Variants in HDAC4 observed in about 807,000 individuals in gnomAD.
The protein encoded by HDAC4 is histone deacetylase A.
HDAC4 carries 16 observed loss-of-function variants against 135.1 expected under a neutral mutation model. The observed-to-expected ratio is 0.12, with a 90% CI of 0.08 to 0.18. The LOEUF (loss-of-function observed/expected upper bound fraction) is 0.18, where lower values mean the gene tolerates loss of function less well. HDAC4 is among the 10% of genes least tolerant of loss of function. The pLI is 1.00. For missense variants in HDAC4, 1,143 were observed against 1,511.8 expected (o/e 0.76, Z 4.05); for synonymous variants, 685 against 653.4 (o/e 1.05, Z -0.74).
At chr2:239,216,827 C>T (rs2046668191) in intron 3 of HDAC4, among the ~76,000 whole-genome samples, 1 of 152,152 alleles carries the variant, frequency 6.6e-6, no homozygotes, top group African/African-American at 2.4e-5. Flanking sequence ...GGGGTTCCAC[C>T]CGCCATACTC....
At chr2:239,386,172 G>C (rs1022224221) in intron 1 of HDAC4, among the ~76,000 whole-genome samples, 1 of 152,058 alleles carries the variant, frequency 6.6e-6, no homozygotes, top group African/African-American at 2.4e-5. Context: ...AGAGGCTGGG[G>C]CCTGTGTCTC....
At chr2:239,347,302 G>A (rs1272671205) in intron 2 of HDAC4, among the ~76,000 whole-genome samples, 2 of 152,204 alleles carry the variant, frequency 1.3e-5, no homozygotes, top group East Asian at 3.8e-4. Context: ...TCCCAGAGGA[G>A]AGCCTTCTCC....
intron 2 of HDAC4, among the ~76,000 whole-genome samples, chr2:239,264,540 G>A (rs995002967): frequency 1.3e-5 from 2 of 152,238 alleles, no homozygotes; most frequent in African/African-American, 4.8e-5. Flanking sequence ...GCGACCAGAG[G>A]GAGATGGCTT....
chr2:239,054,610 G>C, intron 25 of HDAC4, 139 bp downstream of exon 25: 14 of 726,850 alleles, frequency 1.9e-5, no homozygotes, highest in South Asian at 1.8e-4. Flanking sequence ...CTGAAAGCAA[G>C]GCCTTCTGCT....
chr2:239,286,420 C>T (rs905424663), intron 2 of HDAC4, among the ~76,000 whole-genome samples: 13 of 152,072 alleles, frequency 8.5e-5, no homozygotes, highest in Admixed American at 2.0e-4. Context: ...TGAAGGAGAG[C>T]CCAAATCCTG....
At chr2:239,195,644 T>G (rs2045331442) in intron 3 of HDAC4, among the ~76,000 whole-genome samples, 1 of 152,254 alleles carries the variant, frequency 6.6e-6, no homozygotes, top group African/African-American at 2.4e-5. Context: ...CAAAGCACCC[T>G]GAAGAAAACA....
chr2:239,073,990 C>T lies in HDAC4; in HGVS notation c.2751-5383G>A, dbSNP rs375836601. ...AGGGGGGCCGCAGGACTGAGGGGGC[C>T]GCAGGACTGAGGGGGGCAGCAGGAC... On this transcript the variant is annotated intron_variant, in intron 22 of 26. Coordinates refer to ENST00000543185, the MANE Select transcript of HDAC4 (RefSeq NM_001378414.1). Among the ~76,000 whole-genome samples, 65 of 147,602 alleles carry T rather than the reference C, an allele frequency of 4.4e-4. No individual in the cohort carries two copies. In the South Asian group the frequency reaches 0.011, roughly 24 times the overall value.
At chr2:239,374,961 G>A (rs1295545262) in intron 1 of HDAC4, among the ~76,000 whole-genome samples, 1 of 152,198 alleles carries the variant, frequency 6.6e-6, no homozygotes, top group Non-Finnish European at 1.5e-5. Flanking sequence ...GGTCCCTAAG[G>A]CTCACGGCCT....
chr2:239,117,807 A>G (rs1238208684), intron 12 of HDAC4, among the ~76,000 whole-genome samples: 1 of 152,136 alleles, frequency 6.6e-6, no homozygotes, highest in Non-Finnish European at 1.5e-5. Context: ...GGACAAGCCG[A>G]GTTCCTGGCA....
chr2:239,104,076 C>T (rs947059785), intron 15 of HDAC4, among the ~76,000 whole-genome samples: 1 of 152,198 alleles, frequency 6.6e-6, no homozygotes, highest in African/African-American at 2.4e-5. Flanking sequence ...TGGTAAAAAA[C>T]GACTCTATGG....
At chr2:239,161,955 C>A in intron 6 of HDAC4, 1 of 379,536 alleles carries the variant, frequency 2.6e-6, no homozygotes, top group South Asian at 1.9e-5. Context: ...CTGCTCCGTC[C>A]TCCCCTCAGG....
rs1294843098 is a variant in HDAC4, at chr2:239,048,632, G to A, written c.*4465C>T. The A allele has an allele frequency of 6.6e-6, 1 of 151,694 alleles. No individual in the cohort carries two copies. The highest frequency in any genetic ancestry group is 2.4e-5 in the African/African-American group (1 of 41,190). The allele number at this position is 151,694 out of a possible 1,614,324, so 9.4% of individuals were successfully genotyped here. On this transcript the variant is annotated 3_prime_UTR_variant, in exon 27 of 27. Transcript: ENST00000543185. ...TCATTCTCATCAATTGGAAAATAGC[G>A]CCTCCACTATGGAGCACACACGGCA...
In HDAC4 at chr2:239,303,008, TG is replaced by T. The variant is rs1185529298; in HGVS notation, c.22+49669del. ...TGCCTGGGCACTCTGCATGCTGGGC[TG>T]GGCGTCACCCCTGCCACCTCGGGAG... On this transcript the variant is annotated intron_variant, in intron 2 of 26. Transcript: ENST00000543185. This position sits in a 1 kb window ranked among gnomAD's most constrained non-coding sequence, Gnocchi z 5.1. Among the ~76,000 whole-genome samples, 1 of 152,186 alleles carries T rather than the reference TG, an allele frequency of 6.6e-6. No homozygotes were observed. The highest frequency in any genetic ancestry group is 1.5e-5 in the Non-Finnish European group (1 of 68,030).
chr2:239,191,258 G>T (rs1271239738), intron 3 of HDAC4, among the ~76,000 whole-genome samples: 1 of 152,300 alleles, frequency 6.6e-6, no homozygotes, highest in East Asian at 1.9e-4. Flanking sequence ...GCCCCTCAGG[G>T]TCAGCACCTT....
intron 4 of HDAC4, among the ~76,000 whole-genome samples, chr2:239,179,232 C>G (rs1245692492): frequency 6.6e-6 from 1 of 152,238 alleles, no homozygotes; most frequent in Non-Finnish European, 1.5e-5. Context: ...GGATGCCACC[C>G]ACGTCACACT....
chr2:239,246,430 A>G (rs1377519291), intron 2 of HDAC4, among the ~76,000 whole-genome samples: 2 of 152,182 alleles, frequency 1.3e-5, no homozygotes, highest in Non-Finnish European at 2.9e-5. Flanking sequence ...CAGTGTGGAA[A>G]AGGGGCTGCC....
At chr2:239,361,002 C>G (rs560307713) in intron 1 of HDAC4, among the ~76,000 whole-genome samples, 16 of 152,212 alleles carry the variant, frequency 1.1e-4, no homozygotes, top group Non-Finnish European at 2.4e-4. Context: ...CGTCCCACCT[C>G]CCAGAAACTG....
intron 1 of HDAC4, among the ~76,000 whole-genome samples, chr2:239,396,175 T>A (rs534937198): frequency 1.3e-5 from 2 of 150,818 alleles, no homozygotes; most frequent in South Asian, 4.2e-4. Context: ...AGGGTCTCAC[T>A]ATGTTGCCCA....
intron 2 of HDAC4, among the ~76,000 whole-genome samples, chr2:239,246,218 G>T (rs561361542): frequency 5.4e-4 from 82 of 152,302 alleles, no homozygotes; most frequent in Admixed American, 9.8e-4. Flanking sequence ...GGAGGCAAAC[G>T]CGGGCAGGAG....
Sources: allele counts gnomAD v4.1 joint callset (sites outside exome capture counted in the v4.1 genomes callset), GRCh38; gene constraint gnomAD v4.1.1; non-coding constraint Gnocchi (gnomAD v3.1); transcripts MANE v1.5; gene names NCBI Gene and HGNC (gene_info 2026-07-23, HGNC 2026-07-21).